Variants in RET observed in about 807,000 individuals in gnomAD.
RET encodes proto-oncogene tyrosine-protein kinase receptor Ret.
In RET, 19 loss-of-function variants were observed where a neutral mutation model predicts 118.3. The observed-to-expected ratio is 0.16, with a 90% CI of 0.11 to 0.24. The LOEUF is 0.24. RET is among the 10% of genes least tolerant of loss of function. The pLI is 1.00. For synonymous variants in RET, 597 were observed against 644.1 expected (o/e 0.93, Z 1.11); for missense variants, 1,219 against 1,502.1 (o/e 0.81, Z 3.12).
intron 1 of RET, 47 bp from the exon 2 acceptor site, chr10:43,100,412 G>A (rs1393055656): frequency 1.9e-6 from 3 of 1,547,620 alleles, no homozygotes; most frequent in Non-Finnish European, 8.9e-7. Context: ...TGTCCTTGAA[G>A]AAGCCTTATT....
intron 8 of RET, 114 bp downstream of exon 8, chr10:43,112,338 G>T (rs1588872369): frequency 5.5e-6 from 8 of 1,465,386 alleles, no homozygotes; most frequent in Non-Finnish European, 7.4e-6. Context: ...TCTGCTTCTG[G>T]CACCTCATCC....
chr10:43,116,775 G>A (rs762922012), intron 12 of RET, 44 bp downstream of exon 12: 1 of 1,377,730 alleles, frequency 7.3e-7, no homozygotes, highest in Non-Finnish European at 1.0e-6. Flanking sequence ...GGAGTCTCCG[G>A]GGCGGGGGGC....
chr10:43,089,641 C>T (rs1234766588), intron 1 of RET, among the ~76,000 whole-genome samples: 1 of 152,230 alleles, frequency 6.6e-6, no homozygotes, highest in East Asian at 1.9e-4. Context: ...TGTACCAGGG[C>T]CGACAGCATT....
rs199572076 is a variant in RET, at chr10:43,111,444, C to G, written c.1501C>G (p.Leu501Val). ...CTCTAGGCAGGCCCAGGCCCAGCTG[C>G]TTGTAACAGTGGAGGGGTCATGTGA... Reference protein sequence around the residue: ...QTSRQAQAQLLVTVEGSYVAE... With the variant: ...QTSRQAQAQLVVTVEGSYVAE... Residue 501 changes from leucine (L) to valine (V), a missense_variant, in exon 7 of 20, where the codon CTT (leucine) becomes GTT (valine). Leu to Val is a conservative substitution (Grantham distance 32). Coordinates refer to ENST00000355710, the MANE Select transcript of RET (RefSeq NM_020975.6). 6.4e-7 allele frequency: 1 copy of G among 1,566,770 alleles called. No individual in the cohort carries two copies. The highest frequency in any genetic ancestry group is 1.4e-5 in the African/African-American group (1 of 73,700).
intron 1 of RET, among the ~76,000 whole-genome samples, chr10:43,081,664 G>C (rs1837186177): frequency 6.6e-6 from 1 of 152,178 alleles, no homozygotes; most frequent in South Asian, 2.1e-4. Context: ...GAGGCTGCCA[G>C]TCAGTGGGAC....
At chr10:43,115,267 G>A (rs971882213) in intron 11 of RET, among the ~76,000 whole-genome samples, 2 of 152,204 alleles carry the variant, frequency 1.3e-5, no homozygotes, top group Non-Finnish European at 2.9e-5. Flanking sequence ...GCTTATGGTG[G>A]CGTGAATAGC....
chr10:43,079,537 G>T (rs1297941149), intron 1 of RET, among the ~76,000 whole-genome samples: 1 of 152,240 alleles, frequency 6.6e-6, no homozygotes, highest in Non-Finnish European at 1.5e-5. Flanking sequence ...AGGAAACTGA[G>T]TCTCAGCTTC....
chr10:43,120,220 A>C lies in RET; in HGVS notation c.2730+17A>C, dbSNP rs749660762. ...AGGAGCCAGGTGCCCAGTCCCGGGG[A>C]TGAGGCGGGGCTCCCAGGGATCCCA... On this transcript the variant is annotated intron_variant, in intron 15 of 19. Transcript: ENST00000355710. 1 of 1,611,766 alleles carries C rather than the reference A, an allele frequency of 6.2e-7. No homozygotes were observed. Among genetic ancestry groups the C allele is most frequent in the Non-Finnish European group, 8.5e-7 (1 of 1,179,828 alleles).
intron 6 of RET, among the ~76,000 whole-genome samples, chr10:43,110,772 A>G (rs1837898042): frequency 6.6e-6 from 1 of 152,018 alleles, no homozygotes. Flanking sequence ...CTGTGCACTG[A>G]GGGAGGAGTG....
intron 17 of RET, among the ~76,000 whole-genome samples, chr10:43,124,345 G>C (rs116020045): frequency 6.6e-6 from 1 of 152,130 alleles, no homozygotes; most frequent in Non-Finnish European, 1.5e-5. Context: ...ATGCTGGGCC[G>C]AGAAGCCAGG....
rs149460492 is a variant in RET at position 43,116,586 on chromosome 10, G to A, written c.2139G>A (p.Glu713=). The part of the protein sequence containing the change: ...QVSVDAFKIL[E]DPKWEFPRKN... ...CCCTTCCCTCATTTCCAACATAGGA[G>A]GATCCAAAGTGGGAATTCCCTCGGA... Residue 713 remains glutamate (E), a splice_region_variant and synonymous_variant, in exon 12 of 20, where the codon GAG becomes GAA. Transcript: ENST00000355710. 4.3e-6 allele frequency: 7 copies of A among 1,614,018 alleles called. No homozygotes were observed. In the African/African-American group the frequency reaches 9.3e-5, roughly 22 times the overall value.
In RET at chr10:43,114,262, T is replaced by G. The variant is rs1838011026; in HGVS notation, c.1880-218T>G. On this transcript the variant is annotated intron_variant, in intron 10 of 19. Transcript: ENST00000355710. The surrounding 1 kb of genome is among the most constrained non-coding windows in gnomAD (Gnocchi z 4.6). ...TGCTCAGCCTCTCTGAGCCTCTGTCTCCATCTGTAAGAGGGCAATAGTGGT... is the reference window on the plus strand; with the variant it reads ...TGCTCAGCCTCTCTGAGCCTCTGTCGCCATCTGTAAGAGGGCAATAGTGGT... 6.6e-6 allele frequency among the ~76,000 whole-genome samples: 1 copy of G among 152,144 alleles called. No homozygotes were observed. The highest frequency in any genetic ancestry group is 2.4e-5 in the African/African-American group (1 of 41,424).
At chr10:43,097,992 A>G (rs563573460) in intron 1 of RET, among the ~76,000 whole-genome samples, 5 of 152,184 alleles carry the variant, frequency 3.3e-5, no homozygotes, top group African/African-American at 7.2e-5. Flanking sequence ...TGGGCATTCT[A>G]GAGTCTATTT....
intron 1 of RET, among the ~76,000 whole-genome samples, chr10:43,089,060 T>A (rs1482083941): frequency 6.6e-6 from 1 of 152,214 alleles, no homozygotes; most frequent in Admixed American, 6.5e-5. Flanking sequence ...TGGTCAGGCA[T>A]TTTTTCAGAA....
chr10:43,084,284 C>T (rs1451651434), intron 1 of RET, among the ~76,000 whole-genome samples: 1 of 152,234 alleles, frequency 6.6e-6, no homozygotes, highest in Non-Finnish European at 1.5e-5. Context: ...TGTGGAGCCG[C>T]CAAACTGTTT....
chr10:43,083,457 C>T (rs1203637747), intron 1 of RET, among the ~76,000 whole-genome samples: 1 of 152,238 alleles, frequency 6.6e-6, no homozygotes, highest in East Asian at 1.9e-4. Flanking sequence ...GTGGCCACAC[C>T]TCCCAGCCCT....
rs1409332137 is a variant in RET, at chr10:43,096,872, A to AC, written c.74-3584dup. On this transcript the variant is annotated intron_variant, in intron 1 of 19. Coordinates refer to ENST00000355710, the MANE Select transcript of RET (RefSeq NM_020975.6). The stretch of plus-strand genomic sequence containing the variant: ...TGCAGTCCGCTGAGGCAGGTCCTGC[A>AC]CCCACCTCCTTCATTCTCCCACCTT... Among the ~76,000 whole-genome samples, 8 of 152,306 alleles carry AC rather than the reference A, an allele frequency of 5.3e-5. No individual in the cohort carries two copies. In the South Asian group the frequency reaches 1.4e-3, roughly 28 times the overall value.
intron 7 of RET, 27 bp downstream of exon 7, chr10:43,111,492 G>A (rs1422386525): frequency 1.3e-6 from 2 of 1,592,704 alleles, no homozygotes; most frequent in Non-Finnish European, 1.7e-6. Context: ...GGGAGGGAGG[G>A]TCGGGGTCCT....
intron 15 of RET, 152 bp from the exon 16 acceptor site, chr10:43,121,794 C>G: frequency 1.4e-6 from 1 of 709,576 alleles, no homozygotes; most frequent in Admixed American, 1.9e-5. Flanking sequence ...CCAGCCCCTT[C>G]AAAGATGTGT....
Sources: allele counts gnomAD v4.1 joint callset (sites outside exome capture counted in the v4.1 genomes callset), GRCh38; gene constraint gnomAD v4.1.1; non-coding constraint Gnocchi (gnomAD v3.1); transcripts MANE v1.5; gene names NCBI Gene and HGNC (gene_info 2026-07-23, HGNC 2026-07-21).